Variants in FAM107A observed in about 807,000 individuals in gnomAD.
The protein encoded by FAM107A is family with sequence similarity 107 member A, also known as actin-associated protein FAM107A.
In FAM107A, 19 loss-of-function variants were observed where a neutral mutation model predicts 13.7. That is an observed-to-expected ratio of 1.38 (90% CI 0.97 to 2.03). The LOEUF is 2.03. Ranked by LOEUF, FAM107A falls within the 30% of genes most tolerant of loss-of-function variation. The pLI, the probability that FAM107A is intolerant of heterozygous loss-of-function variation, is 0.00. For missense variants in FAM107A, 203 were observed against 184.4 expected (o/e 1.10, Z -0.58); for synonymous variants, 82 against 74.5 (o/e 1.10, Z -0.52).
At chr3:58,626,568 C>T (rs527705689) in intron 1 of FAM107A, among the ~76,000 whole-genome samples, 2 of 152,154 alleles carry the variant, frequency 1.3e-5, no homozygotes, top group Admixed American at 6.5e-5. Context: ...AATAACTTGC[C>T]TATTGCCCTA....
intron 1 of FAM107A, among the ~76,000 whole-genome samples, chr3:58,599,034 C>A (rs2065730445): frequency 6.6e-6 from 1 of 152,106 alleles, no homozygotes; most frequent in African/African-American, 2.4e-5. Context: ...CTCCGCCTCC[C>A]AGGTTCAAGC....
At chr3:58,575,274 A>G (rs554748773) in intron 1 of FAM107A, among the ~76,000 whole-genome samples, 1 of 152,298 alleles carries the variant, frequency 6.6e-6, no homozygotes, top group East Asian at 1.9e-4. Context: ...CTGAGCCTCT[A>G]TACAGCAAGG....
At chr3:58,599,787 G>A (rs1170538679) in intron 1 of FAM107A, among the ~76,000 whole-genome samples, 2 of 129,424 alleles carry the variant, frequency 1.5e-5, no homozygotes, top group African/African-American at 6.1e-5. Context: ...GTGTGATCTC[G>A]GCTTACTGCA....
chr3:58,584,497 C>T (rs2065582256), intron 1 of FAM107A, among the ~76,000 whole-genome samples: 2 of 152,144 alleles, frequency 1.3e-5, no homozygotes, highest in Admixed American at 1.3e-4. Context: ...GTGTTTTCTA[C>T]CTCTTTGTGG....
chr3:58,577,906 T>G (rs1312253332), upstream of FAM107A: 1 of 173,760 alleles, frequency 5.8e-6, no homozygotes, highest in Non-Finnish European at 1.1e-5. The surrounding 1 kb of genome is among the most constrained non-coding windows in gnomAD (Gnocchi z 4.9). Flanking sequence ...TCCTGATACC[T>G]TGAATGTCAT....
rs80107635 is a variant in FAM107A, at chr3:58,618,474, T to G, written c.-70+8942A>C. Among the ~76,000 whole-genome samples the G allele has an allele frequency of 3.4e-3, 518 of 152,344 alleles. 1 individual carries two copies. The highest frequency in any genetic ancestry group is 5.9e-3 in the Non-Finnish European group (398 of 68,030). ...CACAGCTACCTTCTCTGCTTTGACA[T>G]GGAGCCCAGAGTGGGAGCCCAGAGA... On this transcript the variant is annotated intron_variant, in intron 1 of 3. Transcript: ENST00000465970.
At chr3:58,570,631 G>T (rs866944075) in intron 1 of FAM107A, among the ~76,000 whole-genome samples, 1 of 95,800 alleles carries the variant, frequency 1.0e-5, no homozygotes, top group Non-Finnish European at 2.1e-5. Context: ...GAGAGAGAGA[G>T]AGAGAAAGAG....
At chr3:58,596,588 A>G (rs2065709626) in intron 1 of FAM107A, among the ~76,000 whole-genome samples, 1 of 151,802 alleles carries the variant, frequency 6.6e-6, no homozygotes, top group Non-Finnish European at 1.5e-5. Flanking sequence ...CTGAGGCAGG[A>G]GAATCGCTTG....
intron 1 of FAM107A, among the ~76,000 whole-genome samples, chr3:58,606,665 G>A (rs1415658212): frequency 1.3e-5 from 2 of 152,206 alleles, no homozygotes; most frequent in East Asian, 3.8e-4. Context: ...GAAACTCTTG[G>A]CTCACCTAAC....
upstream of FAM107A, among the ~76,000 whole-genome samples, chr3:58,581,685 G>A (rs1043224885): frequency 6.6e-6 from 1 of 152,190 alleles, no homozygotes; most frequent in African/African-American, 2.4e-5. Context: ...AACCTGTCAT[G>A]GGATCTGTGG....
At chr3:58,581,626 G>A (rs922530841), upstream of FAM107A, among the ~76,000 whole-genome samples, 6 of 152,152 alleles carry the variant, frequency 3.9e-5, no homozygotes, top group African/African-American at 1.4e-4. Context: ...AACATGCTCT[G>A]CAGAAAGGAC....
At chr3:58,567,391 G>A in intron 2 of FAM107A, 27 bp from the exon 3 acceptor site, 1 of 1,596,498 alleles carries the variant, frequency 6.3e-7, no homozygotes, top group South Asian at 1.1e-5. Flanking sequence ...GGAGCTGTCA[G>A]GAGACCATCA....
chr3:58,585,269 C>T (rs533827885), intron 1 of FAM107A, among the ~76,000 whole-genome samples: 35 of 152,324 alleles, frequency 2.3e-4, no homozygotes, highest in Middle Eastern at 3.4e-3. Context: ...TGGGTGGGGA[C>T]ACTTAGGGTG....
At position 58,604,465 on chromosome 3, in the gene FAM107A, A is replaced by G. The variant is rs1276195191; in HGVS notation, c.-69-15196T>C. Among the ~76,000 whole-genome samples the G allele has an allele frequency of 6.6e-6, 1 of 152,068 alleles. No individual in the cohort carries two copies. The highest frequency in any genetic ancestry group is 1.5e-5 in the Non-Finnish European group (1 of 68,016). ...CCTGCACCCTCCATTATATAAGTGG[A>G]GAAACTGAGGCACAGAGCACTGAGG... On this transcript the variant is annotated intron_variant, in intron 1 of 3. Transcript: ENST00000465970. This position sits in a 1 kb window ranked among gnomAD's most constrained non-coding sequence, Gnocchi z 4.1.
At position 58,605,374 on chromosome 3, in the gene FAM107A, T is replaced by C. The variant is rs2065784631; in HGVS notation, c.-69-16105A>G. Among the ~76,000 whole-genome samples the C allele has an allele frequency of 2.0e-5, 3 of 152,150 alleles. No individual in the cohort carries two copies. In the South Asian group the frequency reaches 6.2e-4, roughly 32 times the overall value. On this transcript the variant is annotated intron_variant, in intron 1 of 3. Coordinates refer to the FAM107A transcript ENST00000465970. ...GGGACCCCCACACAGATTTTGGGGC[T>C]CCCTATCTATGCGGCTCCCTCCTCT...
chr3:58,599,401 A>T (rs1428461348), intron 1 of FAM107A, among the ~76,000 whole-genome samples: 1 of 152,240 alleles, frequency 6.6e-6, no homozygotes, highest in African/African-American at 2.4e-5. Context: ...CTGCCAAATT[A>T]TCTTCCAAAA....
At chr3:58,581,205 G>A (rs944201787), upstream of FAM107A, among the ~76,000 whole-genome samples, 1 of 152,224 alleles carries the variant, frequency 6.6e-6, no homozygotes, top group Non-Finnish European at 1.5e-5. Flanking sequence ...GAAGCCCAGG[G>A]GCTGGGCACA....
At chr3:58,626,898 G>A (rs971067629) in intron 1 of FAM107A, 18 of 1,453,794 alleles carry the variant, frequency 1.2e-5, no homozygotes, top group East Asian at 5.0e-5. Flanking sequence ...TAGGTGGGTC[G>A]GGGCTCCCAC....
chr3:58,584,692 A>T (rs2065584567), intron 1 of FAM107A, among the ~76,000 whole-genome samples: 1 of 152,182 alleles, frequency 6.6e-6, no homozygotes, highest in Non-Finnish European at 1.5e-5. Context: ...AATCAAATGG[A>T]GACACTTCGG....
Sources: allele counts gnomAD v4.1 joint callset (sites outside exome capture counted in the v4.1 genomes callset), GRCh38; gene constraint gnomAD v4.1.1; non-coding constraint Gnocchi (gnomAD v3.1); transcripts MANE v1.5; gene names NCBI Gene and HGNC (gene_info 2026-07-23, HGNC 2026-07-21).